Variants in CD160 observed in about 807,000 individuals in gnomAD.
The protein encoded by CD160 is CD160 molecule.
In CD160, 11 loss-of-function variants were observed where a neutral mutation model predicts 19.2. The ratio of observed to expected loss-of-function variants is 0.57; its 90% CI spans 0.36 to 0.95. CD160 has a LOEUF of 0.95. CD160 is among the 40% of genes least tolerant of loss of function. The pLI is 0.01. For synonymous variants in CD160, 75 were observed against 81.1 expected, an observed-to-expected ratio of 0.93 and a Z score of 0.40; for missense variants, 182 against 213.2, an observed-to-expected ratio of 0.85 and a Z score of 0.91.
In CD160 at chr1:145,730,805, T is replaced by C. The variant is rs587713926; in HGVS notation, c.135T>C (p.Thr45=). The change falls in exon 4 of 6, where the codon ACT becomes ACC. Residue 45 remains threonine, a synonymous_variant. Transcript: ENST00000369288. ...GAACGCGACTAAACTTAATCTGTAC[T>C]GTATGGCATAAGAAAGAAGAGGCTG... The part of the protein sequence containing the change: ...QEGTRLNLIC[T]VWHKKEEAEG... The C allele has an allele frequency of 1.9e-6, 3 of 1,614,164 alleles. No individual in the cohort carries two copies. The highest frequency in any genetic ancestry group is 1.1e-5 in the South Asian group (1 of 91,078).
Position 145,738,497 on chromosome 1 carries a change from T to A in CD160, c.*4T>A. ...CTTTCTTTCCACAGCTTTGTAAGCC[T>A]TGTGCCAAAAGAAACTTTTAAAACA... On this transcript the variant is annotated 3_prime_UTR_variant, in exon 6 of 6. Coordinates refer to ENST00000369288, the MANE Select transcript of CD160 (RefSeq NM_007053.4). 7.6e-7 allele frequency: 1 copy of A among 1,323,732 alleles called. No homozygotes were observed. Among genetic ancestry groups the A allele is most frequent in the Non-Finnish European group, 9.7e-7 (1 of 1,025,778 alleles). The allele number at this position is 1,323,732 out of a possible 1,614,324, so 82.0% of individuals were successfully genotyped here.
At chr1:145,729,197 G>A (rs949898751) in intron 3 of CD160, among the ~76,000 whole-genome samples, 2 of 152,120 alleles carry the variant, frequency 1.3e-5, no homozygotes, top group Non-Finnish European at 2.9e-5. Flanking sequence ...CCTCAGATAT[G>A]GGTCTTGGAA....
intron 5 of CD160, chr1:145,736,351 A>G: frequency 1.4e-6 from 2 of 1,397,620 alleles, no homozygotes; most frequent in Non-Finnish European, 1.9e-6. Flanking sequence ...TTCAATGGGT[A>G]GGAGGTAAGA....
chr1:145,732,347 A>G (rs1553709515), intron 4 of CD160, among the ~76,000 whole-genome samples: 1 of 152,176 alleles, frequency 6.6e-6, no homozygotes, highest in Non-Finnish European at 1.5e-5. Flanking sequence ...AAGTGAATCC[A>G]TAAAGGGGAT....
intron 1 of CD160, among the ~76,000 whole-genome samples, chr1:145,722,508 C>G (rs1267417257): frequency 6.6e-6 from 1 of 152,160 alleles, no homozygotes; most frequent in Non-Finnish European, 1.5e-5. Flanking sequence ...TGAAATATGT[C>G]TATTTATTAA....
At chr1:145,735,577 C>G (rs1364259169) in intron 4 of CD160, among the ~76,000 whole-genome samples, 1 of 151,896 alleles carries the variant, frequency 6.6e-6, no homozygotes, top group African/African-American at 2.4e-5. Context: ...AGAGCAAGAC[C>G]CTGTCTCAAA....
Position 145,731,042 on chromosome 1 carries a change from G to C in CD160, c.372G>C (p.Gln124His). The change falls in exon 4 of 6, where the codon CAG (glutamine) becomes CAC (histidine). Residue 124 changes from glutamine (Q) to histidine (H), a missense_variant. Gln to His is a conservative substitution (Grantham distance 24, BLOSUM62 0). Coordinates refer to ENST00000369288, the MANE Select transcript of CD160 (RefSeq NM_007053.4). ...ARSQKSGIRL[Q>H]GHFFSILFTE... ...GCCAGAAGTCAGGTATCCGCCTTCAGGGCCATTTTTTCTCCATTCTATTCA... is the reference window on the plus strand; with the variant it reads ...GCCAGAAGTCAGGTATCCGCCTTCACGGCCATTTTTTCTCCATTCTATTCA... The C allele has an allele frequency of 6.2e-7, 1 of 1,614,016 alleles. No individual in the cohort carries two copies. Among genetic ancestry groups the C allele is most frequent in the Non-Finnish European group, 8.5e-7 (1 of 1,179,948 alleles).
chr1:145,735,730 G>A (rs1357274687), intron 4 of CD160, among the ~76,000 whole-genome samples: 3 of 152,184 alleles, frequency 2.0e-5, no homozygotes, highest in African/African-American at 7.2e-5. Flanking sequence ...CGACTAAGCT[G>A]TTTCAGCTAT....
chr1:145,734,809 A>G (rs1463786519), intron 4 of CD160, among the ~76,000 whole-genome samples: 1 of 152,176 alleles, frequency 6.6e-6, no homozygotes, highest in Non-Finnish European at 1.5e-5. Flanking sequence ...AAGAAGAGAC[A>G]GGTAATAAAC....
At chr1:145,726,569 C>T (rs1035976700) in intron 2 of CD160, among the ~76,000 whole-genome samples, 5 of 151,926 alleles carry the variant, frequency 3.3e-5, no homozygotes, top group Admixed American at 6.6e-5. Context: ...CATCACACAC[C>T]GATGACGTTC....
chr1:145,728,928 A>G (rs587687983), intron 3 of CD160, among the ~76,000 whole-genome samples: 15 of 152,288 alleles, frequency 9.8e-5, no homozygotes, highest in African/African-American at 3.6e-4. Context: ...AGGCTCTTAT[A>G]TACTATAAAT....
Position 145,730,922 on chromosome 1 carries a change from G to A in CD160, c.252G>A (p.Gly84=). 1 of 1,614,168 alleles carries A rather than the reference G, an allele frequency of 6.2e-7. No individual in the cohort carries two copies. Among genetic ancestry groups the A allele is most frequent in the Middle Eastern group, 1.6e-4 (1 of 6,062 alleles). The change falls in exon 4 of 6, where the codon GGG becomes GGA. Residue 84 remains glycine, a synonymous_variant. Coordinates refer to ENST00000369288, the MANE Select transcript of CD160 (RefSeq NM_007053.4). Reference sequence around the variant, plus strand: ...AGCTGAGACTTAAAAGGGATCCTGGGATAGATGGTGTTGGTGAAATATCAT... The same window carrying A: ...AGCTGAGACTTAAAAGGGATCCTGGAATAGATGGTGTTGGTGAAATATCAT... The part of the protein sequence containing the change: ...LKQLRLKRDP[G]IDGVGEISSQ...
chr1:145,738,391 A>ACG, intron 5 of CD160, 95 bp from the exon 6 acceptor site: 1 of 722,136 alleles, frequency 1.4e-6, no homozygotes, highest in Non-Finnish European at 2.1e-6. Flanking sequence ...AGGGCCTATC[A>ACG]CGCACGCATC....
rs144062287 is a variant in CD160, at chr1:145,728,337, G to A, written c.10G>A (p.Glu4Lys). The A allele has an allele frequency of 1.2e-6, 2 of 1,612,752 alleles. No homozygotes were observed. Among genetic ancestry groups the A allele is most frequent in the African/African-American group, 2.7e-5 (2 of 74,852 alleles). The stretch of plus-strand genomic sequence containing the variant: ...GCTGACAGCGTGCAGGATGCTGTTG[G>A]AACCCGGCAGAGGCTGCTGTGCCCT... The part of the protein sequence containing the change: MLL[E>K]PGRGCCALAI... Residue 4 changes from glutamate (E) to lysine (K), a missense_variant, in exon 3 of 6, where the codon GAA (glutamate) becomes AAA (lysine). Transcript: ENST00000369288.
At chr1:145,721,157 A>C (rs1656828221) in intron 1 of CD160, among the ~76,000 whole-genome samples, 1 of 152,056 alleles carries the variant, frequency 6.6e-6, no homozygotes, top group Non-Finnish European at 1.5e-5. Context: ...GCTCTAGTAC[A>C]TGCTGCGTCC....
intron 5 of CD160, chr1:145,737,952 CCTT>C (rs1657561101): frequency 6.6e-6 from 1 of 152,152 alleles, no homozygotes; most frequent in Non-Finnish European, 1.5e-5. Context: ...TTTTCTTTAT[CCTT>C]CTTCCCCAAC....
At chr1:145,721,811 T>A (rs782136662) in intron 1 of CD160, among the ~76,000 whole-genome samples, 34 of 152,322 alleles carry the variant, frequency 2.2e-4, no homozygotes, top group Non-Finnish European at 3.7e-4. Context: ...AAGGCCTAAC[T>A]TCATTGCCAT....
At chr1:145,721,126 C>T (rs1656827046) in intron 1 of CD160, among the ~76,000 whole-genome samples, 1 of 152,208 alleles carries the variant, frequency 6.6e-6, no homozygotes, top group African/African-American at 2.4e-5. Flanking sequence ...CCGCTCTCCC[C>T]TCTGTTGAGG....
At chr1:145,727,684 A>C (rs1657106624) in intron 2 of CD160, among the ~76,000 whole-genome samples, 1 of 152,246 alleles carries the variant, frequency 6.6e-6, no homozygotes, top group African/African-American at 2.4e-5. Flanking sequence ...AATATCTCTA[A>C]TACGGAGAAA....
Sources: gnomAD v4.1 joint callset for allele counts (sites outside exome capture counted in the v4.1 genomes callset) on GRCh38, gnomAD v4.1.1 for gene constraint, MANE v1.5 for transcripts, NCBI Gene and HGNC (gene_info 2026-07-23, HGNC 2026-07-21) for gene names.